The following DEFB113 variants were observed in gnomAD, a reference collection of about 807,000 sequenced individuals.
DEFB113 encodes beta-defensin 113.
DEFB113 carries 5 observed loss-of-function variants against 2.5 expected under a neutral mutation model. The ratio of observed to expected loss-of-function variants is 1.99; its 90% CI spans 1.04 to 4.18. The LOEUF is 4.18. DEFB113 is among the 30% of genes most tolerant of loss of function. DEFB113 has a pLI of 0.00. For missense variants in DEFB113, 123 were observed against 96.6 expected, an observed-to-expected ratio of 1.27 and a Z score of -1.14; for synonymous variants, 42 against 31.6, an observed-to-expected ratio of 1.33 and a Z score of -1.11.
chr6:49,968,822 C>T lies in DEFB113; in HGVS notation c.104G>A (p.Cys35Tyr), dbSNP rs1443314405. The change falls in exon 2 of 2, where the codon TGT (cysteine) becomes TAT (tyrosine). Residue 35 changes from cysteine (C) to tyrosine (Y), a missense_variant. Coordinates refer to ENST00000398718, the MANE Select transcript of DEFB113 (RefSeq NM_001037729.1). ...TREVAERKRE[C>Y]QLVRGACKPE... ...CTTGCAAGCACCACGAACAAGCTGACATTCTCTTTTTCTCTCTGCAACTTC... is the reference window on the plus strand; with the variant it reads ...CTTGCAAGCACCACGAACAAGCTGATATTCTCTTTTTCTCTCTGCAACTTC... 3 of 1,602,436 alleles carry T rather than the reference C, an allele frequency of 1.9e-6. No homozygotes were observed. The highest frequency in any genetic ancestry group is 1.1e-5 in the South Asian group (1 of 89,080).
Position 49,968,823 on chromosome 6 carries a change from A to C in DEFB113, c.103T>G (p.Cys35Gly). ...TREVAERKRE[C>G]QLVRGACKPE... ...TTGCAAGCACCACGAACAAGCTGAC[A>C]TTCTCTTTTTCTCTCTGCAACTTCT... Residue 35 changes from cysteine to glycine, a missense_variant, in exon 2 of 2, where the codon TGT (cysteine) becomes GGT (glycine). Transcript: ENST00000398718. 1.2e-6 allele frequency: 2 copies of C among 1,602,762 alleles called. No individual in the cohort carries two copies. Among genetic ancestry groups the C allele is most frequent in the Non-Finnish European group, 1.7e-6 (2 of 1,174,718 alleles).
chr6:49,969,446 G>T, intron 1 of DEFB113, 122 bp downstream of exon 1: 2 of 594,820 alleles, frequency 3.4e-6, no homozygotes, highest in Non-Finnish European at 5.6e-6. Flanking sequence ...AGAGAAAATT[G>T]CCTTATAAGG....
chr6:49,969,478 C>T lies in DEFB113; in HGVS notation c.58+90G>A, dbSNP rs538939535. On this transcript the variant is annotated intron_variant, in intron 1 of 1. Coordinates refer to ENST00000398718, the MANE Select transcript of DEFB113 (RefSeq NM_001037729.1). ...AAGGAGTTCATATGAAATCTCCTAA[C>T]AATAATTTATTTGTTTTTATTATTT... 3.0e-5 allele frequency: 29 copies of T among 972,592 alleles called. No individual in the cohort carries two copies. The Admixed American group carries it at 5.4e-4, about 18-fold the overall frequency. The allele number at this position is 972,592 out of a possible 1,614,324, so 60.2% of individuals were successfully genotyped here.
intron 1 of DEFB113, among the ~76,000 whole-genome samples, chr6:49,969,136 A>G (rs919838656): frequency 4.6e-5 from 7 of 151,112 alleles, no homozygotes; most frequent in African/African-American, 1.7e-4. Context: ...GTAAAGAGAA[A>G]AAGACATGGA....
chr6:49,968,683 T>C lies in DEFB113; in HGVS notation c.243A>G (p.Gln81=), dbSNP rs1773584641. 1.4e-6 allele frequency: 2 copies of C among 1,465,566 alleles called. No individual in the cohort carries two copies. Among genetic ancestry groups the C allele is most frequent in the Admixed American group, 5.6e-5 (2 of 35,686 alleles). The allele number at this position is 1,465,566 out of a possible 1,614,324, so 90.8% of individuals were successfully genotyped here. A position where few individuals can be genotyped will look rare whatever the true frequency, so the allele number is the denominator to read the frequency against. Residue 81 remains glutamine (Q), a synonymous_variant, in exon 2 of 2, where the codon CAA becomes CAG. Coordinates refer to ENST00000398718, the MANE Select transcript of DEFB113 (RefSeq NM_001037729.1). ...AGTGTTTTATAATTATAATTTATTT[T>C]TGATGGAGTTTACTAGTGATTTTGT... ...IINKITSKLH[Q]K
chr6:49,969,386 A>G (rs930848312), intron 1 of DEFB113, among the ~76,000 whole-genome samples, 182 bp downstream of exon 1: 7 of 151,260 alleles, frequency 4.6e-5, no homozygotes, highest in African/African-American at 1.7e-4. Context: ...AGTTTTAAAA[A>G]TTATTTTCTC....
chr6:49,969,509 G>A (rs1773598257), intron 1 of DEFB113, 59 bp downstream of exon 1: 3 of 1,216,474 alleles, frequency 2.5e-6, no homozygotes, highest in East Asian at 4.7e-5. Flanking sequence ...TATTTTCAGA[G>A]TAAAGCATTT....
intron 1 of DEFB113, 82 bp from the exon 2 acceptor site, chr6:49,968,949 T>G: frequency 7.6e-7 from 1 of 1,307,900 alleles, no homozygotes; most frequent in Non-Finnish European, 1.0e-6. Context: ...AAATGTAGAG[T>G]TAAACCATTT....
At chr6:49,969,499 T>G in intron 1 of DEFB113, 69 bp downstream of exon 1, 1 of 1,135,896 alleles carries the variant, frequency 8.8e-7, no homozygotes, top group Non-Finnish European at 1.3e-6. Flanking sequence ...TTGTTTTTAT[T>G]ATTTTCAGAG....
In DEFB113 at chr6:49,968,863, T is replaced by C. The variant is rs375552847; in HGVS notation, c.63A>G (p.Pro21=). ...VFTVSCGPSV[P]QKKTREVAER... ...CTGCAACTTCTCTTGTTTTTTTCTG[T>C]GGAACTAGGAAAAAGTAGCTATGAC... is the stretch of plus-strand genomic sequence containing the variant. Residue 21 remains proline (P), a synonymous_variant, in exon 2 of 2, where the codon CCA becomes CCG. Transcript: ENST00000398718. The C allele has an allele frequency of 1.0e-5, 16 of 1,597,560 alleles. No individual in the cohort carries two copies. In the African/African-American group the frequency reaches 1.9e-4, roughly 19 times the overall value.
At position 49,968,771 on chromosome 6, in the gene DEFB113, A is replaced by G; in HGVS notation, c.155T>C (p.Val52Ala). 1 of 1,602,042 alleles carries G rather than the reference A, an allele frequency of 6.2e-7. No individual in the cohort carries two copies. The highest frequency in any genetic ancestry group is 1.1e-5 in the South Asian group (1 of 89,194). ...CKPECNSWEY[V>A]YYYCNVNPCC... ...GGGGTTAACATTGCAGTAATAATAT[A>G]CATATTCCCAGCTGTTGCATTCCGG... is the stretch of plus-strand genomic sequence containing the variant. The change falls in exon 2 of 2, where the codon GTA (valine) becomes GCA (alanine). Residue 52 changes from valine (V) to alanine (A), a missense_variant. Transcript: ENST00000398718.
At chr6:49,969,453 A>G (rs1360385579) in intron 1 of DEFB113, 115 bp downstream of exon 1, 1 of 680,102 alleles carries the variant, frequency 1.5e-6, no homozygotes, top group Non-Finnish European at 2.4e-6. Flanking sequence ...ATTGCCTTAT[A>G]AGGAGTTCAT....
In DEFB113 at chr6:49,968,854, T is replaced by C. The variant is rs116225981; in HGVS notation, c.72A>G (p.Lys24=). Residue 24 remains lysine, a synonymous_variant, in exon 2 of 2, where the codon AAA becomes AAG. Transcript: ENST00000398718. ...VSCGPSVPQK[K]TREVAERKRE... ...TTTTTCTCTCTGCAACTTCTCTTGTTTTTTTCTGTGGAACTAGGAAAAAGT... is the reference window on the plus strand; with the variant it reads ...TTTTTCTCTCTGCAACTTCTCTTGTCTTTTTCTGTGGAACTAGGAAAAAGT... 1.2e-3 allele frequency: 1,852 copies of C among 1,598,510 alleles called. 20 individuals are homozygous for C. In the African/African-American group the frequency reaches 0.021, roughly 18 times the overall value.
intron 1 of DEFB113, 50 bp from the exon 2 acceptor site, chr6:49,968,917 A>G (rs755623952): frequency 2.5e-5 from 38 of 1,501,012 alleles, no homozygotes; most frequent in Non-Finnish European, 3.2e-5. Context: ...ATCCTTAGAT[A>G]CAGAGATGAA....
chr6:49,968,844 C>G lies in DEFB113; in HGVS notation c.82G>C (p.Val28Leu). Residue 28 changes from valine (V) to leucine (L), a missense_variant, in exon 2 of 2, where the codon GTT becomes CTT. Transcript: ENST00000398718. ...PSVPQKKTRE[V>L]AERKRECQLV... is the part of the protein sequence containing the mutation. ...TGACATTCTCTTTTTCTCTCTGCAA[C>G]TTCTCTTGTTTTTTTCTGTGGAACT... The G allele has an allele frequency of 6.3e-7, 1 of 1,599,330 alleles. No individual in the cohort carries two copies. Among genetic ancestry groups the G allele is most frequent in the South Asian group, 1.1e-5 (1 of 88,448 alleles).
At position 49,969,599 on chromosome 6, in the gene DEFB113, G is replaced by A. The variant is rs1179511633; in HGVS notation, c.27C>T (p.Thr9=). Residue 9 remains threonine (T), a synonymous_variant, in exon 1 of 2, where the codon ACC becomes ACT. Coordinates refer to ENST00000398718, the MANE Select transcript of DEFB113 (RefSeq NM_001037729.1). MKILCIFL[T]FVFTVSCGPS... ...GACCACAAGACACAGTGAAGACAAA[G>A]GTCAGAAAAATACAAAGTATCTTCA... 6.2e-7 allele frequency: 1 copy of A among 1,606,612 alleles called. No individual in the cohort carries two copies. The highest frequency in any genetic ancestry group is 8.5e-7 in the Non-Finnish European group (1 of 1,175,204).
At position 49,968,682 on chromosome 6, in the gene DEFB113, T is replaced by C. The variant is rs1773584611; in HGVS notation, c.244A>G (p.Lys82Glu). The part of the protein sequence containing the change: ...INKITSKLHQ[K>E] ...CAGTGTTTTATAATTATAATTTATT[T>C]TTGATGGAGTTTACTAGTGATTTTG... The change falls in exon 2 of 2, where the codon AAA becomes GAA. Residue 82 changes from lysine to glutamate, a missense_variant. Transcript: ENST00000398718. 2 of 1,464,164 alleles carry C rather than the reference T, an allele frequency of 1.4e-6. No homozygotes were observed. The highest frequency in any genetic ancestry group is 1.8e-6 in the Non-Finnish European group (2 of 1,104,950). 90.7% of individuals were successfully genotyped at this position (1,464,164 alleles called of 1,614,324 possible). A position where few individuals can be genotyped will look rare whatever the true frequency, so the allele number is the denominator to read the frequency against.
Position 49,968,908 on chromosome 6 carries a change from T to A in DEFB113, c.59-41A>T, listed in dbSNP as rs758740451. 2.6e-6 allele frequency: 4 copies of A among 1,547,658 alleles called. No individual in the cohort carries two copies. The Admixed American group carries it at 6.0e-5, about 23-fold the overall frequency. Reference sequence around the variant, plus strand: ...TATGACCATAAGTCCAGATTTAATATCCTTAGATACAGAGATGAATAAACT... The same window carrying A: ...TATGACCATAAGTCCAGATTTAATAACCTTAGATACAGAGATGAATAAACT... On this transcript the variant is annotated intron_variant, in intron 1 of 1. Transcript: ENST00000398718.
chr6:49,968,747 G>A lies in DEFB113; in HGVS notation c.179C>T (p.Pro60Leu). The A allele has an allele frequency of 6.3e-7, 1 of 1,588,050 alleles. No individual in the cohort carries two copies. The highest frequency in any genetic ancestry group is 8.6e-7 in the Non-Finnish European group (1 of 1,166,424). Residue 60 changes from proline to leucine, a missense_variant, in exon 2 of 2, where the codon CCC becomes CTC. Pro to Leu is a moderately conservative substitution (Grantham distance 98). Transcript: ENST00000398718. ...EYVYYYCNVN[P>L]CCAVWEYQKP... ...TTGGTATTCCCATACCGCACAGCAG[G>A]GGTTAACATTGCAGTAATAATATAC...
Sources: allele counts gnomAD v4.1 joint callset (sites outside exome capture counted in the v4.1 genomes callset), GRCh38; gene constraint gnomAD v4.1.1; transcripts MANE v1.5; gene names NCBI Gene and HGNC (gene_info 2026-07-23, HGNC 2026-07-21).